AMOTL1: variants seen among roughly 807,000 people sequenced by gnomAD.
The protein encoded by AMOTL1 is angiomotin like 1.
In AMOTL1, 45 loss-of-function variants were observed where a neutral mutation model predicts 102.9. The observed-to-expected ratio is 0.44, with a 90% confidence interval of 0.34 to 0.56. The LOEUF (loss-of-function observed/expected upper bound fraction) is 0.56. AMOTL1 is among the 20% of genes least tolerant of loss of function. The pLI, the probability that AMOTL1 is intolerant of heterozygous loss-of-function variation, is 0.01. For synonymous variants in AMOTL1, 481 were observed against 484.7 expected, an observed-to-expected ratio of 0.99 and a Z score of 0.10; for missense variants, 1,114 against 1,225.6, an observed-to-expected ratio of 0.91 and a Z score of 1.36.
intron 6 of AMOTL1, among the ~76,000 whole-genome samples, chr11:94,841,327 C>G (rs900378589): frequency 6.6e-5 from 10 of 152,088 alleles, no homozygotes; most frequent in African/African-American, 2.4e-4. Context: ...TGGCACGCAC[C>G]TGTAATCCCA....
intron 11 of AMOTL1, among the ~76,000 whole-genome samples, chr11:94,867,102 A>C (rs1592051375): frequency 6.6e-6 from 1 of 152,142 alleles, no homozygotes; most frequent in African/African-American, 2.4e-5. Flanking sequence ...AGTGGTCCTC[A>C]GCATAAGACC....
chr11:94,857,789 G>T (rs1952697622), intron 8 of AMOTL1, among the ~76,000 whole-genome samples: 1 of 152,208 alleles, frequency 6.6e-6, no homozygotes, highest in African/African-American at 2.4e-5. Flanking sequence ...CACTGAGGGT[G>T]AAGACTTAAT....
At chr11:94,735,810 C>T (rs1950432009) in intron 2 of AMOTL1, among the ~76,000 whole-genome samples, 1 of 152,154 alleles carries the variant, frequency 6.6e-6, no homozygotes, top group Non-Finnish European at 1.5e-5. Flanking sequence ...AGTTTATACT[C>T]ATCTATACCA....
intron 6 of AMOTL1, among the ~76,000 whole-genome samples, chr11:94,846,851 T>C (rs1038969843): frequency 3.3e-5 from 5 of 152,210 alleles, no homozygotes; most frequent in Non-Finnish European, 4.4e-5. Flanking sequence ...ATAAGAATTA[T>C]GGTGCCTACC....
In AMOTL1 at chr11:94,799,957, G is replaced by T; in HGVS notation, c.767G>T (p.Gly256Val). 6.2e-7 allele frequency: 1 copy of T among 1,613,988 alleles called. No individual in the cohort carries two copies. The highest frequency in any genetic ancestry group is 8.5e-7 in the Non-Finnish European group (1 of 1,179,860). Residue 256 changes from glycine to valine, a missense_variant, in exon 3 of 13, where the codon GGC becomes GTC. Coordinates refer to ENST00000433060, the MANE Select transcript of AMOTL1 (RefSeq NM_130847.3). This position sits in a 1 kb window ranked among gnomAD's most constrained non-coding sequence, Gnocchi z 4.5. ...GAGGCGCTGAAGGAACTGAAGCAGGGCCACGTCCGCTCGCTCAGCGAGAGA... is the reference window on the plus strand; with the variant it reads ...GAGGCGCTGAAGGAACTGAAGCAGGTCCACGTCCGCTCGCTCAGCGAGAGA... ...KDEALKELKQ[G>V]HVRSLSERIM... is the part of the protein sequence containing the mutation.
At position 94,874,826 on chromosome 11, in the gene AMOTL1, G is replaced by C. The variant is rs1311117451; in HGVS notation, c.*4031G>C. 1 of 152,164 alleles carries C rather than the reference G, an allele frequency of 6.6e-6. No homozygotes were observed. The highest frequency in any genetic ancestry group is 1.5e-5 in the Non-Finnish European group (1 of 68,040). 9.4% of individuals were successfully genotyped at this position (152,164 alleles called of 1,614,324 possible). A position where few individuals can be genotyped will look rare whatever the true frequency, so the allele number is the denominator to read the frequency against. Reference sequence around the variant, plus strand: ...GGGCATTAAAAGCTTTTGAGGCAGGGGGCTCATGTTTTGACTGCAGGGAGT... The same window carrying C: ...GGGCATTAAAAGCTTTTGAGGCAGGCGGCTCATGTTTTGACTGCAGGGAGT... On this transcript the variant is annotated 3_prime_UTR_variant, in exon 13 of 13. Transcript: ENST00000433060.
chr11:94,807,867 C>T (rs908861107), intron 3 of AMOTL1, among the ~76,000 whole-genome samples: 5 of 138,316 alleles, frequency 3.6e-5, no homozygotes, highest in South Asian at 2.5e-4. Context: ...TCCCAGATTG[C>T]GACCCAGTGG....
At chr11:94,841,140 T>A (rs528414401) in intron 6 of AMOTL1, among the ~76,000 whole-genome samples, 7 of 152,192 alleles carry the variant, frequency 4.6e-5, no homozygotes, top group African/African-American at 1.7e-4. Flanking sequence ...GTTTTTTATG[T>A]TAAGAAAAGA....
At chr11:94,717,112 GA>G (rs1950110391) in intron 1 of AMOTL1, among the ~76,000 whole-genome samples, 1 of 151,820 alleles carries the variant, frequency 6.6e-6, no homozygotes, top group Non-Finnish European at 1.5e-5. Flanking sequence ...GAAAACCAGG[GA>G]AATCACTATG....
Position 94,799,798 on chromosome 11 carries a change from G to GGCA in AMOTL1, c.621_623dup (p.Gln211dup). On this transcript the variant is annotated inframe_insertion, in exon 3 of 13. Coordinates refer to ENST00000433060, the MANE Select transcript of AMOTL1 (RefSeq NM_130847.3). The surrounding 1 kb of genome is among the most constrained non-coding windows in gnomAD (Gnocchi z 4.5). ...AAAGCACAGTCGCAGTTCTTCAGGG[G>GGCA]GCAGCAGCAGCAGCAACAGCAGCAG... 1 of 1,600,628 alleles carries GGCA rather than the reference G, an allele frequency of 6.2e-7. No individual in the cohort carries two copies. Among genetic ancestry groups the GGCA allele is most frequent in the Non-Finnish European group, 8.5e-7 (1 of 1,172,600 alleles).
chr11:94,716,007 G>C (rs886510690), intron 1 of AMOTL1, among the ~76,000 whole-genome samples: 2 of 151,872 alleles, frequency 1.3e-5, no homozygotes, highest in Admixed American at 1.3e-4. Flanking sequence ...TTATATCTTT[G>C]TTTTGATCCT....
chr11:94,759,979 A>G (rs1185705819), intron 3 of AMOTL1, among the ~76,000 whole-genome samples: 1 of 152,216 alleles, frequency 6.6e-6, no homozygotes, highest in Non-Finnish European at 1.5e-5. Flanking sequence ...GCCAATGCAA[A>G]TTCTTGGGCC....
rs762744034 is a variant in AMOTL1, at chr11:94,821,709, C to G, written c.1301C>G (p.Ala434Gly). Residue 434 changes from alanine (A) to glycine (G), a missense_variant, in exon 4 of 13, where the codon GCC becomes GGC. Ala to Gly is a moderately conservative substitution (Grantham distance 60). Transcript: ENST00000433060. The part of the protein sequence containing the change: ...ASPSQQLGPD[A>G]FAIVERAQQM... ...CCCAGCCAGCAGCTTGGTCCAGATG[C>G]CTTTGCGATTGTGGAGCGAGCCCAG... is the stretch of plus-strand genomic sequence containing the variant. 1.2e-6 allele frequency: 2 copies of G among 1,614,034 alleles called. No individual in the cohort carries two copies. The highest frequency in any genetic ancestry group is 4.5e-5 in the East Asian group (2 of 44,880).
At chr11:94,807,688 G>A (rs192576348) in intron 3 of AMOTL1, among the ~76,000 whole-genome samples, 17 of 152,028 alleles carry the variant, frequency 1.1e-4, no homozygotes, top group Admixed American at 3.9e-4. Context: ...ATTATATCTT[G>A]AGAAATTTGT....
At chr11:94,747,816 C>T (rs1052802417) in intron 3 of AMOTL1, among the ~76,000 whole-genome samples, 2 of 152,176 alleles carry the variant, frequency 1.3e-5, no homozygotes, top group African/African-American at 4.8e-5. Flanking sequence ...GTGATGTTTG[C>T]ATCCATTTGT....
intron 11 of AMOTL1, among the ~76,000 whole-genome samples, chr11:94,867,659 CAT>C: frequency 6.6e-6 from 1 of 152,340 alleles, no homozygotes; most frequent in South Asian, 2.1e-4. Context: ...CAGTTCCCCA[CAT>C]GTTGTCACCA....
chr11:94,847,960 G>T (rs189386644), intron 6 of AMOTL1, among the ~76,000 whole-genome samples: 141 of 152,192 alleles, frequency 9.3e-4, no homozygotes, highest in African/African-American at 3.2e-3. Context: ...ACAAAGAGAA[G>T]AACTTTTATG....
At chr11:94,721,109 A>C (rs2135443807) in intron 1 of AMOTL1, among the ~76,000 whole-genome samples, 1 of 152,228 alleles carries the variant, frequency 6.6e-6, no homozygotes, top group Non-Finnish European at 1.5e-5. Context: ...AAAAGATCTT[A>C]AGAGCCTAGG....
chr11:94,734,069 T>C (rs1950398614), intron 2 of AMOTL1, among the ~76,000 whole-genome samples: 1 of 152,252 alleles, frequency 6.6e-6, no homozygotes, highest in Non-Finnish European at 1.5e-5. Context: ...CTTTTGTTGA[T>C]AGCACCTCCT....
Sources: gnomAD v4.1 joint callset for allele counts (sites outside exome capture counted in the v4.1 genomes callset) on GRCh38, gnomAD v4.1.1 for gene constraint, Gnocchi (gnomAD v3.1) non-coding constraint, MANE v1.5 for transcripts, NCBI Gene and HGNC (gene_info 2026-07-23, HGNC 2026-07-21) for gene names.